ROBO2: variants seen among roughly 807,000 people sequenced by gnomAD.
The protein encoded by ROBO2 is roundabout guidance receptor 2.
Under a neutral mutation model 160.8 loss-of-function variants are expected in ROBO2, and 53 were observed. The observed-to-expected ratio is 0.33, with a 90% confidence interval of 0.26 to 0.41. The LOEUF (loss-of-function observed/expected upper bound fraction) is 0.41. Among genes scored for constraint, ROBO2 ranks in the 10% least tolerant of loss-of-function variants. The pLI is 1.00. For synonymous variants in ROBO2, 664 were observed against 611.7 expected (o/e 1.09, Z -1.26); for missense variants, 1,577 against 1,722.4 (o/e 0.92, Z 1.49).
chr3:76,702,138 AT>A lies in ROBO2; in HGVS notation c.110-395868del, dbSNP rs546304386. 3.6e-3 allele frequency among the ~76,000 whole-genome samples: 545 copies of A among 151,896 alleles called. 2 individuals are homozygous for A. Among genetic ancestry groups the A allele is most frequent in the African/African-American group, 0.012 (497 of 41,460 alleles). On this transcript the variant is annotated intron_variant, in intron 2 of 26. Transcript: ENST00000487694. ...AATGGAACCTATAATTAGCTCTTTA[AT>A]TTTTTTTATATCTTTATCCCTTTCC...
intron 2 of ROBO2, among the ~76,000 whole-genome samples, chr3:76,100,021 G>A (rs753268853): frequency 6.6e-6 from 1 of 152,178 alleles, no homozygotes; most frequent in Non-Finnish European, 1.5e-5. Context: ...TCTGCAAACA[G>A]CATTGGGCTC....
chr3:76,517,550 T>C (rs1253412085), intron 2 of ROBO2, among the ~76,000 whole-genome samples: 2 of 152,164 alleles, frequency 1.3e-5, no homozygotes, highest in African/African-American at 4.8e-5. Context: ...CAAATCCAAC[T>C]GGTGGCAAAA....
At chr3:77,447,578 A>G (rs2080675293) in intron 2 of ROBO2, among the ~76,000 whole-genome samples, 1 of 152,166 alleles carries the variant, frequency 6.6e-6, no homozygotes, top group Non-Finnish European at 1.5e-5. Context: ...CACCAAAATT[A>G]TAGAATAAAT....
intron 2 of ROBO2, among the ~76,000 whole-genome samples, chr3:76,218,552 T>G (rs1268694954): frequency 2.6e-5 from 4 of 152,156 alleles, no homozygotes; most frequent in Non-Finnish European, 5.9e-5. Flanking sequence ...CTGAGTGAAT[T>G]CCCATTCATA....
chr3:76,184,296 C>T (rs2107125154), intron 2 of ROBO2, among the ~76,000 whole-genome samples: 1 of 152,164 alleles, frequency 6.6e-6, no homozygotes, highest in East Asian at 1.9e-4. Flanking sequence ...TCTCCTCCTC[C>T]AGTGGGTTGC....
chr3:76,259,679 T>C (rs1353461584), intron 2 of ROBO2, among the ~76,000 whole-genome samples: 3 of 152,140 alleles, frequency 2.0e-5, no homozygotes, highest in Admixed American at 2.0e-4. Flanking sequence ...GAAGCTTTGC[T>C]TTCAGTCCTT....
intron 2 of ROBO2, among the ~76,000 whole-genome samples, chr3:77,266,610 C>T (rs1405949135): frequency 2.6e-5 from 4 of 152,044 alleles, no homozygotes; most frequent in African/African-American, 7.2e-5. Context: ...TTTCTTGGAA[C>T]GTTGGGTAGT....
chr3:77,062,071 G>A (rs78371615), intron 1 of ROBO2, among the ~76,000 whole-genome samples: 279 of 152,224 alleles, frequency 1.8e-3, no homozygotes, highest in Non-Finnish European at 3.5e-3. Context: ...AGTCAAAACT[G>A]CATCCTATGG....
intron 2 of ROBO2, among the ~76,000 whole-genome samples, chr3:77,298,739 A>G (rs1331724037): frequency 1.3e-5 from 2 of 152,206 alleles, no homozygotes; most frequent in Non-Finnish European, 2.9e-5. Context: ...TCTCTGTTAC[A>G]GACAAATTTG....
At chr3:77,448,537 C>T (rs1487237077) in intron 2 of ROBO2, among the ~76,000 whole-genome samples, 1 of 152,084 alleles carries the variant, frequency 6.6e-6, no homozygotes, top group Admixed American at 6.6e-5. Flanking sequence ...TTTGTTAAGC[C>T]ACTGAGTTTT....
At chr3:76,897,682 T>C (rs1204667182) in intron 2 of ROBO2, among the ~76,000 whole-genome samples, 1 of 151,504 alleles carries the variant, frequency 6.6e-6, no homozygotes, top group African/African-American at 2.4e-5. Flanking sequence ...TTGTTAAAAT[T>C]GAAATTTATC....
rs112737860 is a variant in ROBO2, at chr3:77,254,147, G to A, written c.388+155807G>A. Among the ~76,000 whole-genome samples the A allele has an allele frequency of 9.8e-3, 1,491 of 152,290 alleles. 20 individuals are homozygous for A. The highest frequency in any genetic ancestry group is 0.032 in the African/African-American group (1,347 of 41,574). ...ATTAGCCAGGTATGGTGGTGCACCTGTGGTCTTAGCTACTCGCTGAGGTCT... is the reference window on the plus strand; with the variant it reads ...ATTAGCCAGGTATGGTGGTGCACCTATGGTCTTAGCTACTCGCTGAGGTCT... On this transcript the variant is annotated intron_variant, in intron 2 of 25. Coordinates refer to ENST00000461745, the Ensembl canonical transcript of ROBO2.
chr3:76,074,803 C>T (rs1420339936), intron 2 of ROBO2, among the ~76,000 whole-genome samples: 3 of 151,922 alleles, frequency 2.0e-5, no homozygotes, highest in Admixed American at 6.6e-5. Context: ...TCAGATATGG[C>T]CCTTCAAAGT....
chr3:76,800,632 T>G (rs1414821825), intron 2 of ROBO2, among the ~76,000 whole-genome samples: 5 of 152,070 alleles, frequency 3.3e-5, no homozygotes, highest in Admixed American at 2.6e-4. Context: ...TGCTCAAGAT[T>G]ATTGATCATC....
At chr3:76,693,848 C>T (rs951758339) in intron 2 of ROBO2, among the ~76,000 whole-genome samples, 1 of 152,200 alleles carries the variant, frequency 6.6e-6, no homozygotes, top group Non-Finnish European at 1.5e-5. Flanking sequence ...GGCCTTCAAT[C>T]GATTGGGTGG....
At chr3:76,295,568 C>A (rs892930423) in intron 2 of ROBO2, among the ~76,000 whole-genome samples, 2 of 152,118 alleles carry the variant, frequency 1.3e-5, no homozygotes, top group African/African-American at 4.8e-5. Context: ...ATGGCTCGAC[C>A]TATAACGACT....
rs567829722 is a variant in ROBO2, at chr3:76,917,259, C to T, written c.110-180755C>T. Among the ~76,000 whole-genome samples, 31 of 152,278 alleles carry T rather than the reference C, an allele frequency of 2.0e-4. No individual in the cohort carries two copies. In the South Asian group the frequency reaches 6.4e-3, roughly 32 times the overall value. ...TCTGTTGCTTATTATGCACTAGGAT[C>T]ATTGCTATGTGCTTTTTCAGCAAGA... On this transcript the variant is annotated intron_variant, in intron 2 of 26. Coordinates refer to the ROBO2 transcript ENST00000487694.
At chr3:75,921,803 G>GT (rs1476849107) in intron 1 of ROBO2, among the ~76,000 whole-genome samples, 1 of 152,148 alleles carries the variant, frequency 6.6e-6, no homozygotes, top group Non-Finnish European at 1.5e-5. Context: ...CATCTACTCA[G>GT]TATCTGGCAC....
intron 2 of ROBO2, among the ~76,000 whole-genome samples, chr3:75,975,232 C>G (rs991273949): frequency 2.0e-5 from 3 of 151,262 alleles, no homozygotes; most frequent in African/African-American, 7.3e-5. Flanking sequence ...ATAAGGTCTG[C>G]CACAGATACA....
Sources: gnomAD v4.1 joint callset for allele counts (sites outside exome capture counted in the v4.1 genomes callset) on GRCh38, gnomAD v4.1.1 for gene constraint, MANE v1.5 for transcripts, NCBI Gene and HGNC (gene_info 2026-07-23, HGNC 2026-07-21) for gene names.